PHF8: variants seen among roughly 807,000 people sequenced by gnomAD.
PHF8 encodes histone lysine demethylase PHF8.
PHF8 carries 9 observed loss-of-function variants against 74.4 expected under a neutral mutation model. The observed-to-expected ratio is 0.12, with a 90% confidence interval of 0.07 to 0.21. PHF8 has a LOEUF of 0.21. Ranked by LOEUF, PHF8 falls within the 10% of genes least tolerant of loss-of-function variation. The pLI is 1.00. For synonymous variants in PHF8, 311 were observed against 316.6 expected (o/e 0.98, Z 0.19); for missense variants, 478 against 816.6 (o/e 0.59, Z 5.05).
rs782624588 is a variant in PHF8, at chrX:53,987,972, T to C, written c.1731-28A>G. On this transcript the variant is annotated intron_variant, in intron 14 of 21. Coordinates refer to ENST00000338154, the MANE Select transcript of PHF8 (RefSeq NM_015107.3). ...GAAGGGAAGGAGAACATAAAAACAG[T>C]CACTAGCAGTATTGTTAGTCGCTAG... is the stretch of plus-strand genomic sequence containing the variant. The C allele has an allele frequency of 8.1e-6, 9 of 1,111,866 alleles. No homozygotes were observed. The South Asian group carries it at 1.7e-4, about 20-fold the overall frequency. The allele number at this position is 1,111,866 out of a possible 1,213,427, so 91.6% of individuals were successfully genotyped here. A position where few individuals can be genotyped will look rare whatever the true frequency, so the allele number is the denominator to read the frequency against.
intron 18 of PHF8, among the ~76,000 whole-genome samples, chrX:53,967,194 C>A (rs2065210640): frequency 9.4e-6 from 1 of 106,934 alleles, no homozygotes; most frequent in South Asian, 4.0e-4. Flanking sequence ...TGAGGGGCGC[C>A]TCTGCCCGGC....
intron 7 of PHF8, 114 bp downstream of exon 7, chrX:54,014,263 T>A: frequency 1.6e-6 from 1 of 619,473 alleles, no homozygotes; most frequent in East Asian, 3.4e-5. Context: ...CCAAATCAAA[T>A]TTTTTTTATT....
intron 19 of PHF8, among the ~76,000 whole-genome samples, chrX:53,961,098 T>C (rs1018406575): frequency 9.2e-6 from 1 of 108,652 alleles, no homozygotes; most frequent in Non-Finnish European, 1.9e-5. Context: ...CTCGGCTCAG[T>C]GCAACCTCCG....
chrX:54,006,807 G>A (rs782334451), intron 8 of PHF8, among the ~76,000 whole-genome samples: 1 of 109,210 alleles, frequency 9.2e-6, no homozygotes, highest in Non-Finnish European at 1.9e-5. Flanking sequence ...GCATGGTGAC[G>A]GGTGCCTGTA....
rs781987074 is a variant in PHF8, at chrX:53,960,686, T to C, written c.2539+2158A>G. Among the ~76,000 whole-genome samples the C allele has an allele frequency of 6.8e-3, 738 of 108,254 alleles. 6 individuals are homozygous for C. Among genetic ancestry groups the C allele is most frequent in the African/African-American group, 0.023 (677 of 29,728 alleles). 94.0% of individuals were successfully genotyped at this position (108,254 alleles called of 115,157 possible). On this transcript the variant is annotated intron_variant, in intron 19 of 21. Transcript: ENST00000338154. ...ATAGCTTGAACCCGGGAGGCGGAGA[T>C]TGCAGTGAGCCAAGATCCCGCCACT...
chrX:53,954,499 C>CAAAAAAAAAAAAAAAAAAAAAAAAAAAAA (rs1180184175), intron 19 of PHF8, among the ~76,000 whole-genome samples: 1 of 13,136 alleles, frequency 7.6e-5, no homozygotes, highest in Non-Finnish European at 1.4e-4. Context: ...GACTCTGTCT[C>CAAAAAAAAAAAAAAAAAAAAAAAAAAAAA]AAAAAAAAAA....
chrX:53,938,623 TG>T lies in PHF8; in HGVS notation c.*534del. The stretch of plus-strand genomic sequence containing the variant: ...TTCCTCTTCATTTCCATGAAGCATT[TG>T]GCAAGAGGGGGCAGAGACCACAGCC... On this transcript the variant is annotated 3_prime_UTR_variant, in exon 22 of 22. Transcript: ENST00000338154. 1 of 757,340 alleles carries T rather than the reference TG, an allele frequency of 1.3e-6. No homozygotes were observed. Among genetic ancestry groups the T allele is most frequent in the Non-Finnish European group, 1.6e-6 (1 of 641,399 alleles). 62.4% of individuals were successfully genotyped at this position (757,340 alleles called of 1,213,427 possible).
chrX:54,015,550 T>G (rs1557107835), intron 6 of PHF8, among the ~76,000 whole-genome samples: 1 of 82,961 alleles, frequency 1.2e-5, no homozygotes, highest in Non-Finnish European at 2.2e-5. Flanking sequence ...CACTCCAGCC[T>G]GGGTGACAGA....
intron 11 of PHF8, among the ~76,000 whole-genome samples, chrX:53,996,263 G>A (rs367684956): frequency 1.8e-5 from 2 of 109,228 alleles, no homozygotes; most frequent in African/African-American, 6.7e-5. Flanking sequence ...ACTAGAGTGA[G>A]CCACTACGCC....
intron 19 of PHF8, among the ~76,000 whole-genome samples, chrX:53,945,463 T>C (rs1279724233): frequency 5.4e-5 from 6 of 110,299 alleles, no homozygotes; most frequent in East Asian, 5.7e-4. Flanking sequence ...TGAGCAGAGA[T>C]TGCATCACTG....
intron 11 of PHF8, among the ~76,000 whole-genome samples, chrX:53,996,359 C>A (rs2065748136): frequency 9.1e-6 from 1 of 109,937 alleles, no homozygotes; most frequent in Admixed American, 9.8e-5. Context: ...AGGTGATCCA[C>A]CCGCCTTGGC....
rs1569527859 is a variant in PHF8, at chrX:53,999,990, TC to T, written c.1142-30del. 8.3e-6 allele frequency: 8 copies of T among 963,362 alleles called. No individual in the cohort carries two copies. In the South Asian group the frequency reaches 1.6e-4, roughly 19 times the overall value. 79.4% of individuals were successfully genotyped at this position (963,362 alleles called of 1,213,427 possible). A position where few individuals can be genotyped will look rare whatever the true frequency, so the allele number is the denominator to read the frequency against. Reference sequence around the variant, plus strand: ...AAGGAGGAAAGAGGAAAGCAGAGTGTCAACAAAGCCATGCAGGAAAGTGAAG... The same window carrying T: ...AAGGAGGAAAGAGGAAAGCAGAGTGTAACAAAGCCATGCAGGAAAGTGAAG... On this transcript the variant is annotated intron_variant, in intron 10 of 21. Transcript: ENST00000338154.
intron 8 of PHF8, among the ~76,000 whole-genome samples, chrX:54,005,565 T>TAA (rs1194298456): frequency 4.8e-5 from 4 of 84,192 alleles, no homozygotes; most frequent in Non-Finnish European, 9.3e-5. Context: ...TTCAGCATTA[T>TAA]AAACCCAAAG....
chrX:54,017,707 C>T lies in PHF8; in HGVS notation c.408G>A (p.Thr136=), dbSNP rs782781939. The change falls in exon 5 of 22, where the codon ACG becomes ACA. Residue 136 remains threonine (T), a synonymous_variant. Transcript: ENST00000338154. The stretch of plus-strand genomic sequence containing the variant: ...TCACAGTGAATGATGGCGAGGGCAG[C>T]GTCATGCCCAACCCATCCTTCTTCA... ...LVLKKDGLGM[T]LPSPSFTVRD... 45 of 1,206,285 alleles carry T rather than the reference C, an allele frequency of 3.7e-5. No homozygotes were observed. The South Asian group carries it at 6.9e-4, about 18-fold the overall frequency.
chrX:54,004,244 C>A (rs1205121354), intron 8 of PHF8, among the ~76,000 whole-genome samples: 1 of 111,261 alleles, frequency 9.0e-6, no homozygotes, highest in Non-Finnish European at 1.9e-5. Flanking sequence ...ATGGACTAGA[C>A]CAGGCAAAGG....
chrX:54,001,205 A>G (rs1331049328), intron 10 of PHF8, among the ~76,000 whole-genome samples: 3 of 111,589 alleles, frequency 2.7e-5, no homozygotes, highest in Non-Finnish European at 5.6e-5. Flanking sequence ...GCGTGCCTAT[A>G]GTCCCAGCTA....
intron 4 of PHF8, among the ~76,000 whole-genome samples, chrX:54,019,482 C>T (rs992450605): frequency 2.8e-5 from 3 of 107,737 alleles, no homozygotes; most frequent in Non-Finnish European, 5.8e-5. Flanking sequence ...TACTTATTTC[C>T]TTCATAATTA....
At chrX:53,977,983 C>G (rs1448520339) in intron 18 of PHF8, among the ~76,000 whole-genome samples, 1 of 85,113 alleles carries the variant, frequency 1.2e-5, no homozygotes, top group African/African-American at 4.5e-5. Flanking sequence ...CTCACTCTGT[C>G]CCCCCAGGCT....
rs2064769855 is a variant in PHF8 at position 53,942,674 on chromosome X, A to ATGAG, written c.2649+1459_2649+1460insCTCA. On this transcript the variant is annotated intron_variant, in intron 20 of 21. Transcript: ENST00000338154. ...ACATACATTTATGATTGTAAGTACC[A>ATGAG]CGAATGTTGTAGAAGCATATAGAAA... is the stretch of plus-strand genomic sequence containing the variant. 5 of 687,215 alleles carry ATGAG rather than the reference A, an allele frequency of 7.3e-6. No homozygotes were observed. The African/African-American group carries it at 1.5e-4, about 20-fold the overall frequency. The allele number at this position is 687,215 out of a possible 1,213,427, so 56.6% of individuals were successfully genotyped here.
Sources: allele counts gnomAD v4.1 joint callset (sites outside exome capture counted in the v4.1 genomes callset), GRCh38; gene constraint gnomAD v4.1.1; transcripts MANE v1.5; gene names NCBI Gene and HGNC (gene_info 2026-07-23, HGNC 2026-07-21).